Variants in TMEM87B observed in about 807,000 individuals in gnomAD.
The protein encoded by TMEM87B is transmembrane protein 87B.
In TMEM87B, 83 loss-of-function variants were observed where a neutral mutation model predicts 80.3. The observed-to-expected ratio is 1.03, with a 90% CI of 0.87 to 1.24. TMEM87B has a LOEUF of 1.24. Among genes scored for constraint, TMEM87B ranks in the 50% most tolerant of loss-of-function variants. The pLI, the probability that TMEM87B is intolerant of heterozygous loss-of-function variation, is 0.00. For missense variants in TMEM87B, 625 were observed against 674.4 expected, an observed-to-expected ratio of 0.93 and a Z score of 0.81; for synonymous variants, 219 against 230.5, an observed-to-expected ratio of 0.95 and a Z score of 0.45.
chr2:112,106,979 C>G (rs10221795), intron 16 of TMEM87B, among the ~76,000 whole-genome samples: 1 of 152,170 alleles, frequency 6.6e-6, no homozygotes, highest in South Asian at 2.1e-4. Flanking sequence ...AGATAGCTAT[C>G]TCAGCTGACC....
At chr2:112,098,538 A>C in intron 13 of TMEM87B, 57 bp from the exon 14 acceptor site, 6 of 1,514,792 alleles carry the variant, frequency 4.0e-6, no homozygotes, top group Non-Finnish European at 5.5e-6. Context: ...TTTGAATGGG[A>C]AACCTATATG....
At chr2:112,082,408 CT>C (rs1448808573) in intron 8 of TMEM87B, among the ~76,000 whole-genome samples, 1 of 152,040 alleles carries the variant, frequency 6.6e-6, no homozygotes, top group African/African-American at 2.4e-5. Context: ...GTGTCTGTTA[CT>C]TATTTTGAAA....
chr2:112,098,530 T>C (rs1030385482), intron 13 of TMEM87B, 65 bp from the exon 14 acceptor site: 56 of 1,464,762 alleles, frequency 3.8e-5, no homozygotes, highest in Non-Finnish European at 5.3e-5. Context: ...GTACATTATT[T>C]GAATGGGAAA....
chr2:112,072,906 T>TC (rs1416644401), intron 4 of TMEM87B, among the ~76,000 whole-genome samples: 2 of 144,500 alleles, frequency 1.4e-5, no homozygotes, highest in Non-Finnish European at 1.5e-5. Context: ...TTTTTTTTTT[T>TC]TTTTTTTTTT....
rs775632127 is a variant in TMEM87B at position 112,055,635 on chromosome 2, G to A, written c.44G>A (p.Arg15His). 7 of 1,552,396 alleles carry A rather than the reference G, an allele frequency of 4.5e-6. No individual in the cohort carries two copies. The highest frequency in any genetic ancestry group is 6.1e-6 in the Non-Finnish European group (7 of 1,151,500). ...CRSVAGLLPRRRRCFPARAPL... is the reference protein window; with the variant it reads ...CRSVAGLLPRHRRCFPARAPL... ...TCGGTAGCCGGGCTCCTGCCACGCC[G>A]CCGCCGCTGCTTTCCCGCCCGGGCC... Residue 15 changes from arginine (R) to histidine (H), a missense_variant, in exon 1 of 19, where the codon CGC becomes CAC. Coordinates refer to ENST00000283206, the MANE Select transcript of TMEM87B (RefSeq NM_032824.3).
chr2:112,084,898 T>C (rs1355678507), intron 8 of TMEM87B, among the ~76,000 whole-genome samples: 1 of 152,220 alleles, frequency 6.6e-6, no homozygotes, highest in Admixed American at 6.5e-5. Flanking sequence ...GTCAGCACAT[T>C]TTTTCTGTCA....
chr2:112,093,034 T>A (rs547074553), intron 11 of TMEM87B, among the ~76,000 whole-genome samples: 5 of 152,332 alleles, frequency 3.3e-5, no homozygotes, highest in South Asian at 2.1e-4. Flanking sequence ...TTAATTTTTT[T>A]AAAAAATTGT....
At position 112,055,664 on chromosome 2, in the gene TMEM87B, C is replaced by T; in HGVS notation, c.73C>T (p.Leu25=). 3 of 1,583,368 alleles carry T rather than the reference C, an allele frequency of 1.9e-6. No homozygotes were observed. The highest frequency in any genetic ancestry group is 2.6e-6 in the Non-Finnish European group (3 of 1,167,922). Residue 25 remains leucine (L), a synonymous_variant, in exon 1 of 19, where the codon CTG becomes TTG. Transcript: ENST00000283206. ...RRRCFPARAP[L]LRVALCLLCW... is the part of the protein sequence containing the mutation. Reference sequence around the variant, plus strand: ...CCGCTGCTTTCCCGCCCGGGCCCCGCTGCTGCGCGTCGCCCTCTGCCTCCT... The same window carrying T: ...CCGCTGCTTTCCCGCCCGGGCCCCGTTGCTGCGCGTCGCCCTCTGCCTCCT...
At chr2:112,083,588 G>T (rs2104478374) in intron 8 of TMEM87B, among the ~76,000 whole-genome samples, 1 of 152,256 alleles carries the variant, frequency 6.6e-6, no homozygotes, top group South Asian at 2.1e-4. Flanking sequence ...AGCATCACTT[G>T]AAGAACTTTA....
At chr2:112,103,265 T>C (rs1287418666) in intron 15 of TMEM87B, among the ~76,000 whole-genome samples, 2 of 152,202 alleles carry the variant, frequency 1.3e-5, no homozygotes, top group Non-Finnish European at 2.9e-5. Flanking sequence ...ACCTCTGCAA[T>C]GAAGACTATA....
chr2:112,067,740 A>C (rs1470335854), intron 4 of TMEM87B, among the ~76,000 whole-genome samples: 1 of 152,206 alleles, frequency 6.6e-6, no homozygotes, highest in East Asian at 1.9e-4. Flanking sequence ...AGACCTTTGC[A>C]TCCATCATCC....
chr2:112,112,897 A>G lies in TMEM87B; in HGVS notation c.1578-2A>G, dbSNP rs1679957656. On this transcript the variant is annotated splice_acceptor_variant, in intron 17 of 18. Coordinates refer to ENST00000283206, the MANE Select transcript of TMEM87B (RefSeq NM_032824.3). LOFTEE classifies it high-confidence loss of function. Reference sequence around the variant, plus strand: ...ATCACCTTTTTTTCCCTTTTATTTCAGAGCTCTTCCAGTGTTAGTGGATTC... The same window carrying G: ...ATCACCTTTTTTTCCCTTTTATTTCGGAGCTCTTCCAGTGTTAGTGGATTC... The G allele has an allele frequency of 6.2e-7, 1 of 1,612,822 alleles. No homozygotes were observed. Among genetic ancestry groups the G allele is most frequent in the Non-Finnish European group, 8.5e-7 (1 of 1,179,350 alleles).
chr2:112,095,549 G>T, intron 11 of TMEM87B: 1 of 791,824 alleles, frequency 1.3e-6, no homozygotes, highest in Non-Finnish European at 1.5e-6. Context: ...GTCAAGAATT[G>T]TTAAAAGTAT....
intron 4 of TMEM87B, among the ~76,000 whole-genome samples, chr2:112,068,709 AAAC>A (rs1678518776): frequency 6.6e-6 from 1 of 152,116 alleles, no homozygotes; most frequent in Admixed American, 6.6e-5. Context: ...GTCTCAAAAA[AAAC>A]AGACAACAAA....
At chr2:112,066,052 T>C (rs1179467444) in intron 3 of TMEM87B, among the ~76,000 whole-genome samples, 1 of 152,262 alleles carries the variant, frequency 6.6e-6, no homozygotes, top group Non-Finnish European at 1.5e-5. Flanking sequence ...ACTACTTTTC[T>C]CTTTGTTATT....
chr2:112,113,040 G>A, intron 18 of TMEM87B, 111 bp downstream of exon 18: 2 of 992,618 alleles, frequency 2.0e-6, no homozygotes, highest in Non-Finnish European at 1.5e-6. Context: ...AAATTGAACA[G>A]ACAGAAAGAT....
intron 4 of TMEM87B, among the ~76,000 whole-genome samples, chr2:112,070,760 T>C (rs2104463666): frequency 6.6e-6 from 1 of 152,328 alleles, no homozygotes; most frequent in Middle Eastern, 3.4e-3. Flanking sequence ...GTAAGTTGCT[T>C]TGGGCAGCAG....
intron 2 of TMEM87B, among the ~76,000 whole-genome samples, chr2:112,062,421 A>C (rs1047310721): frequency 2.9e-4 from 44 of 152,368 alleles, no homozygotes; most frequent in Admixed American, 1.5e-3. Flanking sequence ...TTTGAAAAAA[A>C]TTCAACACCC....
intron 7 of TMEM87B, 78 bp downstream of exon 7, chr2:112,081,196 G>A (rs1190417518): frequency 4.1e-6 from 6 of 1,475,072 alleles, no homozygotes; most frequent in Non-Finnish European, 5.6e-6. Flanking sequence ...TAATTCCTCA[G>A]TAGTTAATGC....
Sources: allele counts gnomAD v4.1 joint callset (sites outside exome capture counted in the v4.1 genomes callset), GRCh38; gene constraint gnomAD v4.1.1; transcripts MANE v1.5; gene names NCBI Gene and HGNC (gene_info 2026-07-23, HGNC 2026-07-21).